The following SNTG2 variants were observed in gnomAD, a reference collection of about 807,000 sequenced individuals.
The protein encoded by SNTG2 is syntrophin gamma 2, also known as gamma-2-syntrophin.
Under a neutral mutation model 70.9 loss-of-function variants are expected in SNTG2, and 74 were observed. That is an observed-to-expected ratio of 1.04 (90% CI 0.86 to 1.27). The LOEUF (loss-of-function observed/expected upper bound fraction) is 1.27. SNTG2 is among the 50% of genes most tolerant of loss of function. The probability of loss-of-function intolerance (pLI) is 0.00; values close to 1 mark genes in which losing one functional copy is unlikely to be tolerated. For synonymous variants in SNTG2, 278 were observed against 273.8 expected (o/e 1.02, Z -0.15); for missense variants, 717 against 690.7 (o/e 1.04, Z -0.43).
intron 14 of SNTG2, among the ~76,000 whole-genome samples, chr2:1,272,932 C>T (rs1284337251): frequency 6.6e-6 from 1 of 152,214 alleles, no homozygotes; most frequent in African/African-American, 2.4e-5. Flanking sequence ...TCAAATTCAG[C>T]TTTCTCCTTT....
At chr2:1,115,092 A>T (rs1368056253) in intron 4 of SNTG2, among the ~76,000 whole-genome samples, 1 of 151,996 alleles carries the variant, frequency 6.6e-6, no homozygotes, top group African/African-American at 2.4e-5. Flanking sequence ...TAACCCTTAC[A>T]GTCCTTTGAG....
intron 14 of SNTG2, among the ~76,000 whole-genome samples, chr2:1,288,750 TCA>T (rs1271333051): frequency 1.3e-5 from 2 of 152,134 alleles, no homozygotes; most frequent in Non-Finnish European, 2.9e-5. Context: ...ATGACACACC[TCA>T]CACACATGTA....
intron 12 of SNTG2, among the ~76,000 whole-genome samples, chr2:1,255,885 A>T (rs796781445): frequency 0.036 from 3,205 of 89,648 alleles, 94 homozygotes; most frequent in Non-Finnish European, 0.046. Context: ...TATATATATA[A>T]ATATATATAA....
intron 7 of SNTG2, among the ~76,000 whole-genome samples, chr2:1,166,875 G>A (rs1280253185): frequency 3.3e-5 from 5 of 152,132 alleles, no homozygotes; most frequent in Non-Finnish European, 2.9e-5. Flanking sequence ...GCAGGCTATC[G>A]ACTGGCAGAA....
At chr2:1,342,186 A>G (rs1660140193) in intron 16 of SNTG2, among the ~76,000 whole-genome samples, 1 of 152,098 alleles carries the variant, frequency 6.6e-6, no homozygotes. Context: ...CTCACTCCTT[A>G]GACAAGGCCG....
rs114784008 is a variant in SNTG2 at position 981,725 on chromosome 2, C to T, written c.72+30657C>T. Among the ~76,000 whole-genome samples, 629 of 152,324 alleles carry T rather than the reference C, an allele frequency of 4.1e-3. 2 individuals are homozygous for T. The highest frequency in any genetic ancestry group is 7.0e-3 in the Admixed American group (107 of 15,312). ...CATGCACACACAAACAAGTCGTACACACATGCACATTAATGCATGTCCCTA... is the reference window on the plus strand; with the variant it reads ...CATGCACACACAAACAAGTCGTACATACATGCACATTAATGCATGTCCCTA... On this transcript the variant is annotated intron_variant, in intron 1 of 16. Coordinates refer to ENST00000308624, the MANE Select transcript of SNTG2 (RefSeq NM_018968.4).
At position 1,350,688 on chromosome 2, in the gene SNTG2, A is replaced by C. The variant is rs534083617; in HGVS notation, c.1489-16655A>C. Among the ~76,000 whole-genome samples, 3 of 152,298 alleles carry C rather than the reference A, an allele frequency of 2.0e-5. No individual in the cohort carries two copies. The South Asian group carries it at 6.2e-4, about 32-fold the overall frequency. ...TGGAAAGGGAACAGTGATTGTAAGAAGTCTATTTTATTAAATGAGAAAATA... is the reference window on the plus strand; with the variant it reads ...TGGAAAGGGAACAGTGATTGTAAGACGTCTATTTTATTAAATGAGAAAATA... On this transcript the variant is annotated intron_variant, in intron 16 of 16. Coordinates refer to ENST00000308624, the MANE Select transcript of SNTG2 (RefSeq NM_018968.4).
chr2:1,049,250 G>C (rs763082946), intron 1 of SNTG2, among the ~76,000 whole-genome samples: 1 of 152,140 alleles, frequency 6.6e-6, no homozygotes, highest in Admixed American at 6.5e-5. Flanking sequence ...TGACAGGTAG[G>C]TATCCACCAT....
intron 2 of SNTG2, among the ~76,000 whole-genome samples, chr2:1,088,642 C>T (rs2148185920): frequency 6.6e-6 from 1 of 152,332 alleles, no homozygotes; most frequent in Middle Eastern, 3.4e-3. Context: ...GACTCACCCA[C>T]CAGTGGAAGA....
At chr2:1,117,752 G>A (rs1326843737) in intron 4 of SNTG2, among the ~76,000 whole-genome samples, 3 of 152,194 alleles carry the variant, frequency 2.0e-5, no homozygotes, top group Admixed American at 1.3e-4. Context: ...CCACCTTGTG[G>A]GCCCCAGGCT....
At chr2:1,269,615 CTT>C (rs1201277334) in intron 14 of SNTG2, among the ~76,000 whole-genome samples, 1 of 152,116 alleles carries the variant, frequency 6.6e-6, no homozygotes, top group African/African-American at 2.4e-5. Flanking sequence ...TGGTTAGTCT[CTT>C]TTAAAAATCG....
At chr2:1,075,731 A>G (rs944365990) in intron 1 of SNTG2, among the ~76,000 whole-genome samples, 1 of 152,224 alleles carries the variant, frequency 6.6e-6, no homozygotes, top group African/African-American at 2.4e-5. Flanking sequence ...TTTGTTGGAT[A>G]TGCTGCTGGA....
chr2:1,326,597 C>G (rs1453397796), intron 16 of SNTG2, among the ~76,000 whole-genome samples: 2 of 151,298 alleles, frequency 1.3e-5, no homozygotes, highest in East Asian at 3.9e-4. Context: ...GAATCTGTCA[C>G]TCTCCCCCCC....
At chr2:1,272,648 A>AGCGG (rs1233539765) in intron 14 of SNTG2, among the ~76,000 whole-genome samples, 22 of 60,034 alleles carry the variant, frequency 3.7e-4, no homozygotes, top group African/African-American at 2.0e-3. Flanking sequence ...CCAGGGAAAA[A>AGCGG]GTGTAGAAAG....
rs192167541 is a variant in SNTG2 at position 980,671 on chromosome 2, A to G, written c.72+29603A>G. Among the ~76,000 whole-genome samples the G allele has an allele frequency of 1.0e-4, 15 of 150,708 alleles. No individual in the cohort carries two copies. In the East Asian group the frequency reaches 2.9e-3, roughly 29 times the overall value. On this transcript the variant is annotated intron_variant, in intron 1 of 16. Transcript: ENST00000308624. Reference sequence around the variant, plus strand: ...TGTAAGTATATTATTATAAGGGGATAGGCCTAGTGTTTATAGACACATGTA... The same window carrying G: ...TGTAAGTATATTATTATAAGGGGATGGGCCTAGTGTTTATAGACACATGTA...
chr2:1,130,533 C>A (rs1274909792), intron 4 of SNTG2, among the ~76,000 whole-genome samples: 1 of 152,168 alleles, frequency 6.6e-6, no homozygotes, highest in African/African-American at 2.4e-5. Flanking sequence ...TTTGATACAT[C>A]ATCACAGTCG....
Position 1,038,264 on chromosome 2 carries a change from A to T in SNTG2, c.73-45254A>T, listed in dbSNP as rs531884371. ...TATTCAATAAGGAAGATATCTGTGTATTATTTCCATAATACATTTTGGGCA... is the reference window on the plus strand; with the variant it reads ...TATTCAATAAGGAAGATATCTGTGTTTTATTTCCATAATACATTTTGGGCA... On this transcript the variant is annotated intron_variant, in intron 1 of 16. Transcript: ENST00000308624. Among the ~76,000 whole-genome samples, 90 of 152,322 alleles carry T rather than the reference A, an allele frequency of 5.9e-4. 1 individual carries two copies. Among genetic ancestry groups the T allele is most frequent in the African/African-American group, 2.1e-3 (88 of 41,564 alleles).
rs544945396 is a variant in SNTG2, at chr2:1,070,159, G to T, written c.73-13359G>T. ...CTGAGGGGCGGGGGATGGGGCAAGA[G>T]GACAGGAGAGCAGGGAGGGAATTAC... On this transcript the variant is annotated intron_variant, in intron 1 of 16. Transcript: ENST00000308624. Among the ~76,000 whole-genome samples, 23 of 152,178 alleles carry T rather than the reference G, an allele frequency of 1.5e-4. No homozygotes were observed. The South Asian group carries it at 4.6e-3, about 30-fold the overall frequency.
chr2:1,257,200 T>G (rs1056882190), intron 12 of SNTG2, among the ~76,000 whole-genome samples: 1 of 152,078 alleles, frequency 6.6e-6, no homozygotes, highest in Non-Finnish European at 1.5e-5. Context: ...TTTCTTCAAG[T>G]CCACAATAGA....
Sources: allele counts gnomAD v4.1 joint callset (sites outside exome capture counted in the v4.1 genomes callset), GRCh38; gene constraint gnomAD v4.1.1; transcripts MANE v1.5; gene names NCBI Gene and HGNC (gene_info 2026-07-23, HGNC 2026-07-21).